SLC39A8: variants seen among roughly 807,000 people sequenced by gnomAD.
SLC39A8 encodes solute carrier family 39 member 8.
SLC39A8 carries 15 observed loss-of-function variants against 40.4 expected under a neutral mutation model. That is an observed-to-expected ratio of 0.37 (90% CI 0.25 to 0.57). The LOEUF (loss-of-function observed/expected upper bound fraction) is 0.57, where lower values mean the gene tolerates loss of function less well. Among genes scored for constraint, SLC39A8 ranks in the 20% least tolerant of loss-of-function variants. SLC39A8 has a pLI of 0.75. For synonymous variants in SLC39A8, 223 were observed against 221.6 expected, an observed-to-expected ratio of 1.01 and a Z score of -0.06; for missense variants, 472 against 558.8, an observed-to-expected ratio of 0.84 and a Z score of 1.57.
chr4:102,332,871 A>G (rs972678149), intron 2 of SLC39A8, among the ~76,000 whole-genome samples: 2 of 152,222 alleles, frequency 1.3e-5, no homozygotes, highest in Admixed American at 6.5e-5. Flanking sequence ...TTTTAGAGAC[A>G]TGGATGAAGC....
chr4:102,264,064 T>C (rs1474670169), intron 8 of SLC39A8, among the ~76,000 whole-genome samples: 1 of 152,198 alleles, frequency 6.6e-6, no homozygotes, highest in Non-Finnish European at 1.5e-5. Flanking sequence ...TTTGACTCCT[T>C]CCATAAATCA....
intron 2 of SLC39A8, among the ~76,000 whole-genome samples, chr4:102,317,091 T>C (rs188547786): frequency 3.7e-4 from 56 of 152,310 alleles, no homozygotes; most frequent in Admixed American, 1.2e-3. Flanking sequence ...TATTTTGTTA[T>C]GGCAGCCTGA....
intron 6 of SLC39A8, among the ~76,000 whole-genome samples, chr4:102,303,563 T>C (rs1276610111): frequency 6.6e-6 from 1 of 151,898 alleles, no homozygotes; most frequent in African/African-American, 2.4e-5. Flanking sequence ...AAAAGAATGA[T>C]ACTAAGAGAC....
intron 2 of SLC39A8, among the ~76,000 whole-genome samples, chr4:102,316,786 C>T (rs1257111108): frequency 6.6e-6 from 1 of 152,102 alleles, no homozygotes; most frequent in Non-Finnish European, 1.5e-5. Flanking sequence ...CATGTTGAAG[C>T]CCTAATCCCC....
chr4:102,309,975 G>T (rs1734353458), intron 3 of SLC39A8, among the ~76,000 whole-genome samples: 1 of 151,832 alleles, frequency 6.6e-6, no homozygotes, highest in Admixed American at 6.6e-5. Context: ...TTATCGATCT[G>T]GTGCCCCTCC....
intron 3 of SLC39A8, among the ~76,000 whole-genome samples, chr4:102,314,172 C>G (rs917686962): frequency 6.6e-6 from 1 of 152,042 alleles, no homozygotes; most frequent in African/African-American, 2.4e-5. Context: ...TGTTCCCTCT[C>G]CCACAATCAA....
At chr4:102,263,448 A>T (rs548482567) in intron 8 of SLC39A8, among the ~76,000 whole-genome samples, 3 of 152,290 alleles carry the variant, frequency 2.0e-5, no homozygotes, top group South Asian at 2.1e-4. Flanking sequence ...ACCATAATTT[A>T]AAAAAATACT....
chr4:102,324,858 T>C (rs1735127299), intron 2 of SLC39A8, among the ~76,000 whole-genome samples: 2 of 152,188 alleles, frequency 1.3e-5, no homozygotes, highest in South Asian at 4.1e-4. Context: ...CTTCTGACCC[T>C]TGAAACAAGT....
intron 6 of SLC39A8, among the ~76,000 whole-genome samples, chr4:102,286,088 T>C (rs1016650335): frequency 3.9e-5 from 6 of 152,102 alleles, no homozygotes; most frequent in African/African-American, 1.4e-4. Context: ...AATTATGAAA[T>C]GGACATCCTT....
intron 2 of SLC39A8, among the ~76,000 whole-genome samples, chr4:102,323,106 T>A (rs990883176): frequency 1.3e-5 from 2 of 152,190 alleles, no homozygotes; most frequent in Non-Finnish European, 2.9e-5. Context: ...TAAGTGGCGA[T>A]CTCCTGTTCT....
At chr4:102,319,670 T>G (rs980061777) in intron 2 of SLC39A8, among the ~76,000 whole-genome samples, 2 of 152,078 alleles carry the variant, frequency 1.3e-5, no homozygotes, top group Non-Finnish European at 2.9e-5. Context: ...TCCCTACTTG[T>G]CCATGTTGTA....
chr4:102,267,414 C>A, intron 8 of SLC39A8, 76 bp downstream of exon 8: 1 of 1,365,696 alleles, frequency 7.3e-7, no homozygotes, highest in South Asian at 1.5e-5. Flanking sequence ...AGAAGGCCAC[C>A]CTTAGTTAAC....
At chr4:102,254,829 A>G (rs1731672767) in intron 11 of SLC39A8, among the ~76,000 whole-genome samples, 1 of 152,112 alleles carries the variant, frequency 6.6e-6, no homozygotes, top group Non-Finnish European at 1.5e-5. Flanking sequence ...TTATTTCAAC[A>G]CCATTATTTG....
chr4:102,268,131 A>G, intron 6 of SLC39A8, 52 bp from the exon 7 acceptor site: 1 of 1,593,254 alleles, frequency 6.3e-7, no homozygotes, highest in South Asian at 1.1e-5. Context: ...AAGTCTCAGA[A>G]ATACAGACAA....
At chr4:102,275,307 A>AAAACAC (rs1732568443) in intron 6 of SLC39A8, among the ~76,000 whole-genome samples, 1 of 151,886 alleles carries the variant, frequency 6.6e-6, no homozygotes, top group African/African-American at 2.4e-5. Context: ...AACAAAAACA[A>AAAACAC]AACAAAAAAG....
At chr4:102,264,275 A>G (rs1170015899) in intron 8 of SLC39A8, among the ~76,000 whole-genome samples, 3 of 152,228 alleles carry the variant, frequency 2.0e-5, no homozygotes, top group Non-Finnish European at 4.4e-5. Context: ...AGCAAGCACA[A>G]AAACTTTCAT....
chr4:102,326,011 G>C (rs1443213924), intron 2 of SLC39A8, among the ~76,000 whole-genome samples: 2 of 152,170 alleles, frequency 1.3e-5, no homozygotes. Context: ...ACTCCTAAAA[G>C]TGTGGTGTGG....
intron 2 of SLC39A8, among the ~76,000 whole-genome samples, chr4:102,316,158 A>C (rs771046947): frequency 1.6e-4 from 24 of 152,144 alleles, no homozygotes; most frequent in Non-Finnish European, 2.6e-4. Context: ...GTTTTAAAAC[A>C]ATTTTTTATT....
At chr4:102,284,061 A>G (rs1167193580) in intron 6 of SLC39A8, among the ~76,000 whole-genome samples, 2 of 152,216 alleles carry the variant, frequency 1.3e-5, no homozygotes, top group Non-Finnish European at 2.9e-5. Flanking sequence ...AGACATCATC[A>G]TATCACATTT....
Sources: allele counts gnomAD v4.1 joint callset (sites outside exome capture counted in the v4.1 genomes callset), GRCh38; gene constraint gnomAD v4.1.1; transcripts MANE v1.5; gene names NCBI Gene and HGNC (gene_info 2026-07-23, HGNC 2026-07-21).